The following NT5C1A variants were observed in gnomAD, a reference collection of about 807,000 sequenced individuals.
NT5C1A encodes 5'-nucleotidase, cytosolic IA, also known as cytosolic 5'-nucleotidase 1A.
In NT5C1A, 18 loss-of-function variants were observed where a neutral mutation model predicts 31.0. The observed-to-expected ratio is 0.58, with a 90% confidence interval of 0.40 to 0.86. The LOEUF is 0.86. Ranked by LOEUF, NT5C1A falls within the 40% of genes least tolerant of loss-of-function variation. The pLI, the probability that NT5C1A is intolerant of heterozygous loss-of-function variation, is 0.00. For synonymous variants in NT5C1A, 185 were observed against 203.6 expected (o/e 0.91, Z 0.78); for missense variants, 470 against 505.4 (o/e 0.93, Z 0.67).
chr1:39,657,547 ACCCCTTCTGTCT>A lies in NT5C1A; in HGVS notation c.*1562_*1573del, dbSNP rs959564387. Among the ~76,000 whole-genome samples, 2 of 151,798 alleles carry A rather than the reference ACCCCTTCTGTCT, an allele frequency of 1.3e-5. No individual in the cohort carries two copies. Among genetic ancestry groups the A allele is most frequent in the Non-Finnish European group, 2.9e-5 (2 of 67,952 alleles). ...TCAGTCCACACACAGATGTCTGCTC[ACCCCTTCTGTCT>A]CCCTGGGGACCAGCCATTGGTGCTT... On this transcript the variant is annotated 3_prime_UTR_variant, in exon 6 of 6. Transcript: ENST00000235628.
intron 3 of NT5C1A, among the ~76,000 whole-genome samples, chr1:39,663,795 C>T (rs1646504186): frequency 1.3e-5 from 2 of 152,340 alleles, no homozygotes; most frequent in South Asian, 4.1e-4. Flanking sequence ...CCGCTGGTCC[C>T]CATTACTGCA....
chr1:39,655,864 G>C lies in NT5C1A; in HGVS notation c.*3257C>G, dbSNP rs1646456420. ...AGCATTATCTACCAACTGCTATGGA[G>C]GTATTTCAAGTTTTAGTCATCAGTT... On this transcript the variant is annotated 3_prime_UTR_variant, in exon 6 of 6. Transcript: ENST00000235628. Among the ~76,000 whole-genome samples, 2 of 152,080 alleles carry C rather than the reference G, an allele frequency of 1.3e-5. No individual in the cohort carries two copies. Among genetic ancestry groups the C allele is most frequent in the African/African-American group, 4.8e-5 (2 of 41,414 alleles).
chr1:39,665,430 C>A, intron 3 of NT5C1A, 91 bp downstream of exon 3: 2 of 1,354,068 alleles, frequency 1.5e-6, no homozygotes. Flanking sequence ...CTGGTCAGTA[C>A]AACTCCATCC....
In NT5C1A at chr1:39,656,394, T is replaced by A. The variant is rs1646459122; in HGVS notation, c.*2727A>T. Among the ~76,000 whole-genome samples the A allele has an allele frequency of 6.6e-6, 1 of 152,228 alleles. No homozygotes were observed. Among genetic ancestry groups the A allele is most frequent in the Admixed American group, 6.5e-5 (1 of 15,278 alleles). On this transcript the variant is annotated 3_prime_UTR_variant, in exon 6 of 6. Transcript: ENST00000235628. ...TAAGACTGCCCCTCAGATTTCTGGC[T>A]TTTTATTCCAGTGACTGAAAGCTTT... is the stretch of plus-strand genomic sequence containing the variant.
intron 3 of NT5C1A, 136 bp from the exon 4 acceptor site, chr1:39,663,570 C>G (rs1646503148): frequency 1.3e-6 from 1 of 795,818 alleles, no homozygotes; most frequent in Non-Finnish European, 2.0e-6. Context: ...TAATTTTAGG[C>G]CAGTGTTCCC....
chr1:39,666,476 C>A (rs1646522993), intron 1 of NT5C1A, among the ~76,000 whole-genome samples: 1 of 152,160 alleles, frequency 6.6e-6, no homozygotes, highest in African/African-American at 2.4e-5. Flanking sequence ...GGAGGGAGGG[C>A]CATGCCCTTG....
Position 39,671,930 on chromosome 1 carries a change from G to A in NT5C1A, c.109C>T (p.Leu37Phe). 4 of 1,613,534 alleles carry A rather than the reference G, an allele frequency of 2.5e-6. No homozygotes were observed. Among genetic ancestry groups the A allele is most frequent in the Non-Finnish European group, 3.4e-6 (4 of 1,179,894 alleles). The change falls in exon 1 of 6, where the codon CTC (leucine) becomes TTC (phenylalanine). Residue 37 changes from leucine to phenylalanine, a missense_variant. Physicochemically the swap from Leu to Phe is conservative, Grantham distance 22 (BLOSUM62 0). Transcript: ENST00000235628. ...GATTTGGGTTTCTTCTTGGGCGCGA[G>A]GTTGTCGTAGAAAATCTTGGCTTCC... The part of the protein sequence containing the change: ...WEEAKIFYDN[L>F]APKKKPKSPK...
At chr1:39,665,723 G>C in intron 2 of NT5C1A, 73 bp from the exon 3 acceptor site, 2 of 1,426,836 alleles carry the variant, frequency 1.4e-6, no homozygotes, top group East Asian at 4.6e-5. Context: ...CAAGGATTCA[G>C]TGAGGGGAGG....
chr1:39,666,011 C>CT (rs1178077539), intron 2 of NT5C1A, 58 bp downstream of exon 2: 13 of 1,527,762 alleles, frequency 8.5e-6, no homozygotes, highest in Middle Eastern at 1.8e-4. Flanking sequence ...CATGGGAGTG[C>CT]TTTTTTCTAA....
rs188130613 is a variant in NT5C1A, at chr1:39,654,615, A to G, written c.*4506T>C. 9.4e-4 allele frequency among the ~76,000 whole-genome samples: 143 copies of G among 152,318 alleles called. No individual in the cohort carries two copies. Among genetic ancestry groups the G allele is most frequent in the African/African-American group, 3.2e-3 (135 of 41,576 alleles). ...CAGTGCATCAACAAAACTGCAAATT[A>G]CCATGAGCCATGGGTCGCTTGAAAA... is the stretch of plus-strand genomic sequence containing the variant. On this transcript the variant is annotated 3_prime_UTR_variant, in exon 6 of 6. Coordinates refer to ENST00000235628, the MANE Select transcript of NT5C1A (RefSeq NM_032526.3).
At chr1:39,664,490 C>CCTGTCTCGTCTCCT (rs138918376) in intron 3 of NT5C1A, among the ~76,000 whole-genome samples, 2 of 2,900 alleles carry the variant, frequency 6.9e-4, no homozygotes, top group Admixed American at 4.4e-3. Context: ...GTGGATTTCT[C>CCTGTCTCGTCTCCT]CTCCTCTCCT....
intron 2 of NT5C1A, 144 bp downstream of exon 2, chr1:39,665,925 C>A: frequency 1.2e-6 from 1 of 805,488 alleles, no homozygotes; most frequent in South Asian, 1.9e-5. Flanking sequence ...TCCCAAAAGA[C>A]TCTGTCACCT....
chr1:39,653,983 G>A lies in NT5C1A; in HGVS notation c.*5138C>T, dbSNP rs1286694498. 6.6e-6 allele frequency among the ~76,000 whole-genome samples: 1 copy of A among 152,230 alleles called. No homozygotes were observed. The highest frequency in any genetic ancestry group is 6.5e-5 in the Admixed American group (1 of 15,286). The stretch of plus-strand genomic sequence containing the variant: ...CAGCTCCAGCCCGCTGGTAGTGGCT[G>A]CCTGGAATGCTGGATAGAGAAAGAT... On this transcript the variant is annotated 3_prime_UTR_variant, in exon 6 of 6. Transcript: ENST00000235628.
At position 39,659,037 on chromosome 1, in the gene NT5C1A, G is replaced by A; in HGVS notation, c.*84C>T. 2 of 1,485,238 alleles carry A rather than the reference G, an allele frequency of 1.3e-6. No individual in the cohort carries two copies. The highest frequency in any genetic ancestry group is 2.3e-5 in the East Asian group (1 of 43,810). The allele number at this position is 1,485,238 out of a possible 1,614,324, so 92.0% of individuals were successfully genotyped here. On this transcript the variant is annotated 3_prime_UTR_variant, in exon 6 of 6. Coordinates refer to ENST00000235628, the MANE Select transcript of NT5C1A (RefSeq NM_032526.3). ...GACAGGCAGAAGGACAGAACAGTGA[G>A]AAACTAGAGGGATCTACCAGAGGAG...
In NT5C1A at chr1:39,653,860, C is replaced by T. The variant is rs762451092; in HGVS notation, c.*5261G>A. Among the ~76,000 whole-genome samples the T allele has an allele frequency of 6.6e-6, 1 of 151,816 alleles. No homozygotes were observed. Among genetic ancestry groups the T allele is most frequent in the Non-Finnish European group, 1.5e-5 (1 of 68,048 alleles). Reference sequence around the variant, plus strand: ...GGCTCTGACATCCTCAGAGTTGCATCATATCCTCAGAGGATGAACATTCTG... The same window carrying T: ...GGCTCTGACATCCTCAGAGTTGCATTATATCCTCAGAGGATGAACATTCTG... On this transcript the variant is annotated 3_prime_UTR_variant, in exon 6 of 6. Transcript: ENST00000235628.
chr1:39,665,385 G>A, intron 3 of NT5C1A, 136 bp downstream of exon 3: 1 of 750,152 alleles, frequency 1.3e-6, no homozygotes, highest in African/African-American at 1.8e-5. Flanking sequence ...TTTGTTTAAA[G>A]AGCGAATTTA....
At chr1:39,667,919 G>A (rs1646532325) in intron 1 of NT5C1A, among the ~76,000 whole-genome samples, 1 of 152,210 alleles carries the variant, frequency 6.6e-6, no homozygotes. Flanking sequence ...CGTGGCTAGT[G>A]GTAAATGCAG....
chr1:39,669,669 G>C (rs2124165832), intron 1 of NT5C1A, among the ~76,000 whole-genome samples: 1 of 152,362 alleles, frequency 6.6e-6, no homozygotes, highest in East Asian at 1.9e-4. Flanking sequence ...CTGGGCCTGA[G>C]CTCTCCGGTT....
Position 39,661,204 on chromosome 1 carries a change from G to C in NT5C1A, c.616C>G (p.Leu206Val), listed in dbSNP as rs748252108. ...SRDVVVSQSQ[L>V]RVAFDGDAVL... is the part of the protein sequence containing the mutation. Reference sequence around the variant, plus strand: ...GCGTCCCCATCGAAGGCCACGCGCAGCTGACTCTGGGACACAACCACATCC... The same window carrying C: ...GCGTCCCCATCGAAGGCCACGCGCACCTGACTCTGGGACACAACCACATCC... Residue 206 changes from leucine (L) to valine (V), a missense_variant, in exon 5 of 6, where the codon CTG becomes GTG. By Grantham distance (32) the Leu-to-Val change is conservative (BLOSUM62 1). Transcript: ENST00000235628. The C allele has an allele frequency of 6.3e-7, 1 of 1,597,270 alleles. No homozygotes were observed. Among genetic ancestry groups the C allele is most frequent in the South Asian group, 1.1e-5 (1 of 90,576 alleles).
Sources: allele counts gnomAD v4.1 joint callset (sites outside exome capture counted in the v4.1 genomes callset), GRCh38; gene constraint gnomAD v4.1.1; transcripts MANE v1.5; gene names NCBI Gene and HGNC (gene_info 2026-07-23, HGNC 2026-07-21).